Variants in MAD1L1 observed in about 807,000 individuals in gnomAD.
MAD1L1 encodes the protein mitotic arrest deficient 1 like 1.
In MAD1L1, 95 loss-of-function variants were observed where a neutral mutation model predicts 96.9. The ratio of observed to expected loss-of-function variants is 0.98; its 90% confidence interval spans 0.83 to 1.16. The LOEUF (loss-of-function observed/expected upper bound fraction) is 1.16, where lower values mean the gene tolerates loss of function less well. MAD1L1 is among the 50% of genes most tolerant of loss of function. MAD1L1 has a pLI of 0.00. For missense variants in MAD1L1, 1,007 were observed against 954.4 expected, an observed-to-expected ratio of 1.06 and a Z score of -0.73; for synonymous variants, 473 against 396.6, an observed-to-expected ratio of 1.19 and a Z score of -2.29.
intron 15 of MAD1L1, among the ~76,000 whole-genome samples, chr7:1,962,355 C>G (rs1779989445): frequency 6.6e-6 from 1 of 152,214 alleles, no homozygotes; most frequent in Non-Finnish European, 1.5e-5. Context: ...TCCATTCAAT[C>G]TCTTTTTCTT....
intron 18 of MAD1L1, among the ~76,000 whole-genome samples, chr7:1,820,341 A>G (rs947957769): frequency 2.0e-5 from 3 of 152,212 alleles, no homozygotes; most frequent in African/African-American, 7.2e-5. Flanking sequence ...AAAGATCTCA[A>G]ATCGCTTCTC....
chr7:1,981,527 T>C (rs7803937), intron 14 of MAD1L1, among the ~76,000 whole-genome samples: 148,470 of 152,234 alleles, frequency 0.98, 72,446 homozygotes, highest in East Asian at 1. Context: ...CCGATGGGTT[T>C]AGGGAGGTAA....
intron 15 of MAD1L1, among the ~76,000 whole-genome samples, chr7:1,974,877 G>A (rs991336637): frequency 6.6e-6 from 1 of 152,260 alleles, no homozygotes; most frequent in Non-Finnish European, 1.5e-5. Flanking sequence ...GGGGAGGTGG[G>A]CAGGCTTTCG....
At chr7:2,019,425 T>G (rs367631591) in intron 12 of MAD1L1, among the ~76,000 whole-genome samples, 1 of 152,166 alleles carries the variant, frequency 6.6e-6, no homozygotes, top group Non-Finnish European at 1.5e-5. Flanking sequence ...CAGACAGTCC[T>G]GCGCTCCAAT....
chr7:2,197,510 T>TAC (rs1295583946), intron 10 of MAD1L1, among the ~76,000 whole-genome samples: 2 of 152,080 alleles, frequency 1.3e-5, no homozygotes, highest in Non-Finnish European at 2.9e-5. Flanking sequence ...CGACGCCTGG[T>TAC]ACACACGACG....
chr7:1,879,248 G>C (rs1445000338), intron 18 of MAD1L1, among the ~76,000 whole-genome samples: 5 of 152,110 alleles, frequency 3.3e-5, no homozygotes, highest in Non-Finnish European at 7.3e-5. Context: ...CTGAAGTCAG[G>C]AGTTCGAGAC....
Position 2,219,458 on chromosome 7 carries a change from TA to T in MAD1L1, c.472-3del. On this transcript the variant is annotated splice_region_variant and splice_polypyrimidine_tract_variant and intron_variant, in intron 5 of 18. Coordinates refer to ENST00000265854, the MANE Select transcript of MAD1L1 (RefSeq NM_001013836.2). ...CCTCCCCTTCAGTGCGTTGATGGTC[TA>T]AAAGTAGAGGGGACCAGAGAGCCGC... 6.2e-7 allele frequency: 1 copy of T among 1,613,300 alleles called. No individual in the cohort carries two copies.
intron 12 of MAD1L1, among the ~76,000 whole-genome samples, chr7:2,062,185 T>C (rs1016080110): frequency 4.1e-5 from 6 of 146,584 alleles, no homozygotes; most frequent in African/African-American, 1.3e-4. Context: ...GAGGTTGCAG[T>C]GAGCTGAGAT....
rs369881304 is a variant in MAD1L1, at chr7:2,055,781, C to T, written c.1218+13413G>A. Among the ~76,000 whole-genome samples, 216 of 151,900 alleles carry T rather than the reference C, an allele frequency of 1.4e-3. 6 individuals carry two copies. In the South Asian group the frequency reaches 0.043, roughly 30 times the overall value. ...ATCACTTGAGGTCAGGAGTTCGAGA[C>T]CAGCCTGACCAATATGGCAAAACCC... On this transcript the variant is annotated intron_variant, in intron 12 of 18. Transcript: ENST00000265854.
At chr7:1,949,282 G>A (rs1465843674) in intron 16 of MAD1L1, among the ~76,000 whole-genome samples, 7 of 152,190 alleles carry the variant, frequency 4.6e-5, no homozygotes, top group East Asian at 1.9e-4. Context: ...GCGGGTTAAC[G>A]GACGTGCACA....
chr7:1,998,029 T>C (rs1781634767), intron 14 of MAD1L1, among the ~76,000 whole-genome samples: 1 of 152,124 alleles, frequency 6.6e-6, no homozygotes. Flanking sequence ...CATTAGCGCT[T>C]AAACGGTGCT....
In MAD1L1 at chr7:2,225,454, C is replaced by T; in HGVS notation, c.247G>A (p.Val83Met). Reference protein sequence around the residue: ...QMELSHKRARVELERAASTSA... With the variant: ...QMELSHKRARMELERAASTSA... ...GTGCTGGCTGCTCTCTCCAGCTCCA[C>T]TCGAGCCCTCTTGTGACTCAGCTCC... is the stretch of plus-strand genomic sequence containing the variant. The change falls in exon 4 of 19, where the codon GTG (valine) becomes ATG (methionine). Residue 83 changes from valine (V) to methionine (M), a missense_variant. By Grantham distance (21) the Val-to-Met change is conservative. Coordinates refer to ENST00000265854, the MANE Select transcript of MAD1L1 (RefSeq NM_001013836.2). 1 of 1,614,138 alleles carries T rather than the reference C, an allele frequency of 6.2e-7. No homozygotes were observed. The highest frequency in any genetic ancestry group is 8.5e-7 in the Non-Finnish European group (1 of 1,180,026).
chr7:1,898,883 C>A (rs56376420), intron 17 of MAD1L1, among the ~76,000 whole-genome samples: 5,962 of 152,254 alleles, frequency 0.039, 237 homozygotes, highest in East Asian at 0.095. Context: ...GCCACGCCAC[C>A]CAGTGATCCT....
At chr7:2,154,474 T>C (rs1185757613) in intron 10 of MAD1L1, among the ~76,000 whole-genome samples, 5 of 152,148 alleles carry the variant, frequency 3.3e-5, no homozygotes, top group African/African-American at 1.2e-4. Context: ...TCAAAGTAGC[T>C]AGAAGAGAAC....
At chr7:2,175,746 G>A (rs1050477735) in intron 10 of MAD1L1, among the ~76,000 whole-genome samples, 2 of 152,134 alleles carry the variant, frequency 1.3e-5, no homozygotes, top group African/African-American at 4.8e-5. Flanking sequence ...AAAGGGTGGG[G>A]CTCATCCTCC....
At chr7:2,187,117 C>T (rs1009241158) in intron 10 of MAD1L1, among the ~76,000 whole-genome samples, 2 of 151,988 alleles carry the variant, frequency 1.3e-5, no homozygotes, top group Admixed American at 6.5e-5. Context: ...CATAATAATA[C>T]TAAGTGGATC....
At chr7:2,077,028 G>A (rs1318038239) in intron 11 of MAD1L1, among the ~76,000 whole-genome samples, 3 of 147,438 alleles carry the variant, frequency 2.0e-5, no homozygotes, top group Non-Finnish European at 4.5e-5. Context: ...CGGTGAGCCC[G>A]AGACAGAGTT....
chr7:1,885,492 TGG>T (rs1267708431), intron 18 of MAD1L1, among the ~76,000 whole-genome samples: 1 of 145,734 alleles, frequency 6.9e-6, no homozygotes, highest in African/African-American at 2.6e-5. Context: ...CGGGTGTGTG[TGG>T]GCCACAGGGG....
intron 10 of MAD1L1, among the ~76,000 whole-genome samples, chr7:2,201,377 C>T (rs900450274): frequency 6.6e-5 from 10 of 152,134 alleles, no homozygotes; most frequent in African/African-American, 2.4e-4. Flanking sequence ...GCACCCCCTG[C>T]TCTACCTGTA....
Sources: allele counts gnomAD v4.1 joint callset (sites outside exome capture counted in the v4.1 genomes callset), GRCh38; gene constraint gnomAD v4.1.1; transcripts MANE v1.5; gene names NCBI Gene and HGNC (gene_info 2026-07-23, HGNC 2026-07-21).